The following KAT14 variants were observed in gnomAD, a reference collection of about 807,000 sequenced individuals.
The protein encoded by KAT14 is lysine acetyltransferase 14.
Under a neutral mutation model 78.4 loss-of-function variants are expected in KAT14, and 66 were observed. That is an observed-to-expected ratio of 0.84 (90% CI 0.69 to 1.03). The LOEUF is 1.03. Ranked by LOEUF, KAT14 falls within the 50% of genes least tolerant of loss-of-function variation. KAT14 has a pLI of 0.00. For missense variants in KAT14, 870 were observed against 972.5 expected (o/e 0.89, Z 1.40); for synonymous variants, 344 against 359.4 (o/e 0.96, Z 0.48).
At chr20:18,137,658 G>A (rs984712526), upstream of KAT14, among the ~76,000 whole-genome samples, 15 of 152,230 alleles carry the variant, frequency 9.9e-5, no homozygotes, top group African/African-American at 3.6e-4. Flanking sequence ...ACCCTGGTAA[G>A]GTGCCGGGGC....
intron 3 of KAT14, among the ~76,000 whole-genome samples, chr20:18,149,240 T>G (rs538193001): frequency 6.6e-6 from 1 of 152,348 alleles, no homozygotes; most frequent in Admixed American, 6.5e-5. Flanking sequence ...TAGTTTACCA[T>G]TTTTTAGTGT....
In KAT14 at chr20:18,159,189, GA is replaced by G. The variant is rs2146415524; in HGVS notation, c.609del (p.Lys203AsnfsTer10). On this transcript the variant is annotated frameshift_variant, in exon 5 of 11. Transcript: ENST00000688188. LOFTEE classifies it high-confidence loss of function. The stretch of plus-strand genomic sequence containing the variant: ...AGGAATTTGGAGAGCCAGGATGGTG[GA>G]AACTTGTTCATAACAAGCCCCCAAC... ...AQEFGEPGWW[K>X]LVHNKPPTMK... 6.2e-7 allele frequency: 1 copy of G among 1,614,036 alleles called. No individual in the cohort carries two copies. The highest frequency in any genetic ancestry group is 8.5e-7 in the Non-Finnish European group (1 of 1,179,982).
At chr20:18,144,980 C>A in intron 2 of KAT14, 2 of 853,540 alleles carry the variant, frequency 2.3e-6, no homozygotes, top group South Asian at 4.2e-5. Flanking sequence ...GGAAATCCAG[C>A]AACAATACCT....
chr20:18,171,142 C>G (rs2038830324), intron 7 of KAT14, among the ~76,000 whole-genome samples: 1 of 152,178 alleles, frequency 6.6e-6, no homozygotes, highest in Non-Finnish European at 1.5e-5. Flanking sequence ...TGGGAGGAAT[C>G]AAAATTTCAA....
chr20:18,143,615 A>ATTTTTTT lies in KAT14; in HGVS notation c.259+701_259+707dup, dbSNP rs201858697. ...TAGTGTTTGCCAGCACACCTGGCTA[A>ATTTTTTT]TTTTTTTTTTTATTTTATTTTTTTT... is the stretch of plus-strand genomic sequence containing the variant. On this transcript the variant is annotated intron_variant, in intron 2 of 10. Transcript: ENST00000688188. Among the ~76,000 whole-genome samples, 95 of 104,026 alleles carry ATTTTTTT rather than the reference A, an allele frequency of 9.1e-4. 10 individuals are homozygous for ATTTTTTT. The highest frequency in any genetic ancestry group is 1.5e-3 in the Non-Finnish European group (73 of 50,080). 68.2% of individuals were successfully genotyped at this position (104,026 alleles called of 152,430 possible). A position where few individuals can be genotyped will look rare whatever the true frequency, so the allele number is the denominator to read the frequency against.
chr20:18,160,623 A>C (rs899804663), intron 5 of KAT14, among the ~76,000 whole-genome samples: 20 of 152,034 alleles, frequency 1.3e-4, no homozygotes, highest in African/African-American at 4.6e-4. Flanking sequence ...CATTTTTAAA[A>C]AGTAATAGAG....
chr20:18,157,161 C>T (rs1263100876), intron 4 of KAT14, among the ~76,000 whole-genome samples: 1 of 152,212 alleles, frequency 6.6e-6, no homozygotes, highest in Non-Finnish European at 1.5e-5. Flanking sequence ...CCGTTTTCGA[C>T]ACAGTAAATA....
intron 7 of KAT14, among the ~76,000 whole-genome samples, chr20:18,180,983 T>A (rs970699851): frequency 3.9e-5 from 6 of 152,206 alleles, no homozygotes; most frequent in Non-Finnish European, 8.8e-5. Context: ...AGTGGCTCTT[T>A]GGATAACAGA....
chr20:18,185,624 T>G (rs147158726), intron 10 of KAT14, among the ~76,000 whole-genome samples: 271 of 152,374 alleles, frequency 1.8e-3, no homozygotes, highest in African/African-American at 6.1e-3. Context: ...TGTATCACCT[T>G]TGAAGAAAAT....
intron 1 of KAT14, among the ~76,000 whole-genome samples, chr20:18,141,029 T>TA (rs1248641388): frequency 3.0e-4 from 4 of 13,186 alleles, no homozygotes; most frequent in Admixed American, 1.0e-3. Flanking sequence ...TGCAATTTTT[T>TA]TTTTTTTTTT....
At chr20:18,148,415 C>T (rs1427388674) in intron 3 of KAT14, among the ~76,000 whole-genome samples, 2 of 152,040 alleles carry the variant, frequency 1.3e-5, no homozygotes, top group Non-Finnish European at 1.5e-5. Flanking sequence ...CCTGGAGACT[C>T]ATTCTTATGG....
intron 1 of KAT14, among the ~76,000 whole-genome samples, chr20:18,139,668 GTGTGTGTT>G (rs1415082804): frequency 5.8e-5 from 5 of 86,060 alleles, no homozygotes; most frequent in South Asian, 5.0e-4. Flanking sequence ...GTGTGTGTGT[GTGTGTGTT>G]TATTTTTTTT....
chr20:18,169,569 A>G, intron 7 of KAT14, among the ~76,000 whole-genome samples: 1 of 152,170 alleles, frequency 6.6e-6, no homozygotes, highest in South Asian at 2.1e-4. Context: ...GTGTTTTCTG[A>G]CTGTTGCACT....
At chr20:18,166,633 G>C (rs2038651285) in intron 7 of KAT14, among the ~76,000 whole-genome samples, 2 of 152,188 alleles carry the variant, frequency 1.3e-5, no homozygotes. Flanking sequence ...GGTCACACTT[G>C]TTCACCCTTT....
chr20:18,183,357 T>A, intron 9 of KAT14, 59 bp downstream of exon 9: 1 of 1,495,418 alleles, frequency 6.7e-7, no homozygotes, highest in African/African-American at 1.4e-5. Context: ...TTCTAGCAAT[T>A]TTTAAAATTA....
In KAT14 at chr20:18,162,137, T is replaced by C. The variant is rs745932752; in HGVS notation, c.997T>C (p.Phe333Leu). 1 of 1,614,240 alleles carries C rather than the reference T, an allele frequency of 6.2e-7. No homozygotes were observed. The highest frequency in any genetic ancestry group is 2.2e-5 in the East Asian group (1 of 44,882). Residue 333 changes from phenylalanine to leucine, a missense_variant, in exon 6 of 11, where the codon TTC (phenylalanine) becomes CTC (leucine). Transcript: ENST00000688188. ...CCCATCTCCTTCTCCTTCTCTGGAT[T>C]TCTCTGCCCCTGGTACACCTGCCTC... The part of the protein sequence containing the change: ...TSPSPSPSLD[F>L]SAPGTPASHS...
At chr20:18,138,104 G>T (rs772700708) in intron 1 of KAT14, 53 bp downstream of exon 1, 47 of 1,427,378 alleles carry the variant, frequency 3.3e-5, no homozygotes, top group African/African-American at 6.0e-5. Context: ...CGTCGACCTG[G>T]GGCCTCTCGT....
chr20:18,141,051 T>TTTTTTTTTTTTTTTTTTG lies in KAT14; in HGVS notation c.-453-1156_-453-1155insTTTTTTTTTTTTTTTTGT, dbSNP rs58888387. 2.3e-4 allele frequency among the ~76,000 whole-genome samples: 25 copies of TTTTTTTTTTTTTTTTTTG among 109,706 alleles called. 3 individuals are homozygous for TTTTTTTTTTTTTTTTTTG. Among genetic ancestry groups the TTTTTTTTTTTTTTTTTTG allele is most frequent in the East Asian group, 3.3e-4 (1 of 3,022 alleles). 72.0% of individuals were successfully genotyped at this position (109,706 alleles called of 152,430 possible). On this transcript the variant is annotated intron_variant, in intron 1 of 10. Coordinates refer to ENST00000688188, the MANE Select transcript of KAT14 (RefSeq NM_001392073.1). ...TTTTTTTTTTTTTTTTTTTTTATTTTTATTTTTGCTAGAGATGGGATTTTG... is the reference window on the plus strand; with the variant it reads ...TTTTTTTTTTTTTTTTTTTTTATTTTTTTTTTTTTTTTTTTTTGTATTTTTGCTAGAGATGGGATTTTG...
intron 4 of KAT14, among the ~76,000 whole-genome samples, chr20:18,153,142 C>G (rs1390637542): frequency 6.6e-6 from 1 of 152,138 alleles, no homozygotes; most frequent in Non-Finnish European, 1.5e-5. Context: ...TCATGCCTTT[C>G]CTCACTTGGG....
Sources: gnomAD v4.1 joint callset for allele counts (sites outside exome capture counted in the v4.1 genomes callset) on GRCh38, gnomAD v4.1.1 for gene constraint, MANE v1.5 for transcripts, NCBI Gene and HGNC (gene_info 2026-07-23, HGNC 2026-07-21) for gene names.